Variants in NCK2 observed in about 807,000 individuals in gnomAD.
The protein encoded by NCK2 is cytoplasmic protein NCK2.
NCK2 carries 16 observed loss-of-function variants against 33.9 expected under a neutral mutation model. The ratio of observed to expected loss-of-function variants is 0.47; its 90% CI spans 0.32 to 0.72. The LOEUF is 0.72. Among genes scored for constraint, NCK2 ranks in the 30% least tolerant of loss-of-function variants. The probability of loss-of-function intolerance (pLI) is 0.03; values close to 1 mark genes in which losing one functional copy is unlikely to be tolerated. For synonymous variants in NCK2, 273 were observed against 239.9 expected, an observed-to-expected ratio of 1.14 and a Z score of -1.27; for missense variants, 418 against 537.3, an observed-to-expected ratio of 0.78 and a Z score of 2.19.
intron 1 of NCK2, among the ~76,000 whole-genome samples, chr2:105,760,355 G>A (rs561678812): frequency 1.1e-4 from 16 of 152,286 alleles, no homozygotes; most frequent in East Asian, 1.9e-4. Context: ...CTGACTTCCC[G>A]CGTGGGATAG....
intron 3 of NCK2, among the ~76,000 whole-genome samples, chr2:105,876,792 A>T (rs1678252563): frequency 6.6e-6 from 1 of 152,232 alleles, no homozygotes; most frequent in Non-Finnish European, 1.5e-5. Flanking sequence ...AAAACTACAC[A>T]GAGAGAATGA....
chr2:105,846,587 G>A (rs1298304874), intron 2 of NCK2: 2 of 151,922 alleles, frequency 1.3e-5, no homozygotes, highest in East Asian at 1.9e-4. Flanking sequence ...AAATTCTATT[G>A]AGGATGCAGT....
intron 1 of NCK2, among the ~76,000 whole-genome samples, chr2:105,757,129 C>T (rs1689623239): frequency 6.6e-6 from 1 of 152,110 alleles, no homozygotes; most frequent in Non-Finnish European, 1.5e-5. Context: ...ATTAATGGCT[C>T]ATGTAAATCT....
At chr2:105,826,188 C>T (rs1675935135) in intron 2 of NCK2, among the ~76,000 whole-genome samples, 1 of 152,184 alleles carries the variant, frequency 6.6e-6, no homozygotes, top group Non-Finnish European at 1.5e-5. Flanking sequence ...GCACCTTCTT[C>T]ACAGGGTGGC....
At position 105,881,895 on chromosome 2, in the gene NCK2, A is replaced by T; in HGVS notation, c.794A>T (p.His265Leu). ...LSDGPALHPA[H>L]APQISYTGPS... ...GACGGGCCTGCCCTGCACCCTGCGC[A>T]CGCCCCACAGATAAGCTACACCGGG... is the stretch of plus-strand genomic sequence containing the variant. Residue 265 changes from histidine to leucine, a missense_variant, in exon 4 of 5, where the codon CAC (histidine) becomes CTC (leucine). By Grantham distance (99) the His-to-Leu change is moderately conservative. Coordinates refer to ENST00000233154, the MANE Select transcript of NCK2 (RefSeq NM_003581.5). 6.4e-7 allele frequency: 1 copy of T among 1,570,728 alleles called. No individual in the cohort carries two copies. The highest frequency in any genetic ancestry group is 8.6e-7 in the Non-Finnish European group (1 of 1,158,392).
At chr2:105,786,148 G>C (rs540793677) in intron 1 of NCK2, among the ~76,000 whole-genome samples, 1 of 152,266 alleles carries the variant, frequency 6.6e-6, no homozygotes, top group South Asian at 2.1e-4. Context: ...GTTGTGTCTA[G>C]GGCAGCATGA....
Position 105,861,941 on chromosome 2 carries a change from C to G in NCK2, c.226+6652C>G, listed in dbSNP as rs578126291. On this transcript the variant is annotated intron_variant, in intron 3 of 4. Transcript: ENST00000233154. The stretch of plus-strand genomic sequence containing the variant: ...CCTCCCTCCCTCCCTCCCTCCTGCC[C>G]GCTCCCCCCTTCCCTTTCTTCCACC... Among the ~76,000 whole-genome samples the G allele has an allele frequency of 2.5e-4, 37 of 146,754 alleles. No homozygotes were observed. In the South Asian group the frequency reaches 7.5e-3, roughly 30 times the overall value.
intron 3 of NCK2, among the ~76,000 whole-genome samples, chr2:105,867,778 A>C (rs931000235): frequency 6.6e-6 from 1 of 152,212 alleles, no homozygotes; most frequent in East Asian, 1.9e-4. Flanking sequence ...TCTTACTAAG[A>C]TGATCTCACC....
chr2:105,789,021 C>T (rs548557740), intron 1 of NCK2, among the ~76,000 whole-genome samples: 35 of 152,224 alleles, frequency 2.3e-4, no homozygotes, highest in African/African-American at 7.0e-4. Context: ...GCTTCTCTGC[C>T]AATCTCCCCC....
At chr2:105,868,086 C>G (rs1183455647) in intron 3 of NCK2, among the ~76,000 whole-genome samples, 5 of 152,010 alleles carry the variant, frequency 3.3e-5, no homozygotes, top group African/African-American at 1.2e-4. Flanking sequence ...AGCTGCCTGC[C>G]TGCAAGCAGG....
At chr2:105,753,253 C>G (rs1017674043) in intron 1 of NCK2, among the ~76,000 whole-genome samples, 4 of 152,186 alleles carry the variant, frequency 2.6e-5, no homozygotes, top group Non-Finnish European at 4.4e-5. Flanking sequence ...GGGGAAGGCC[C>G]TGGACTTTGG....
chr2:105,780,168 A>G, intron 1 of NCK2, among the ~76,000 whole-genome samples: 1 of 152,352 alleles, frequency 6.6e-6, no homozygotes, highest in Non-Finnish European at 1.5e-5. Context: ...AATCAAGAAT[A>G]ATAAATATTT....
chr2:105,830,206 A>G (rs1205323769), intron 2 of NCK2, among the ~76,000 whole-genome samples: 2 of 151,268 alleles, frequency 1.3e-5, no homozygotes, highest in African/African-American at 2.4e-5. Context: ...CAGTTAACCA[A>G]CCTTTTCCTA....
At chr2:105,785,600 T>C (rs1690650237) in intron 1 of NCK2, among the ~76,000 whole-genome samples, 1 of 152,180 alleles carries the variant, frequency 6.6e-6, no homozygotes, top group South Asian at 2.1e-4. Context: ...CAATCTCCAA[T>C]AGCACCAATA....
intron 1 of NCK2, among the ~76,000 whole-genome samples, chr2:105,777,385 C>T (rs1042677578): frequency 9.9e-5 from 15 of 152,236 alleles, no homozygotes; most frequent in African/African-American, 3.6e-4. Context: ...GTCCTCACAC[C>T]AGGAGGCCAC....
intron 4 of NCK2, among the ~76,000 whole-genome samples, chr2:105,890,111 T>C (rs1295927814): frequency 2.0e-5 from 3 of 152,200 alleles, no homozygotes; most frequent in African/African-American, 7.2e-5. Context: ...TTAGCACTCC[T>C]GCTTGGCATA....
intron 1 of NCK2, among the ~76,000 whole-genome samples, chr2:105,769,573 C>T (rs542357437): frequency 6.6e-6 from 1 of 152,182 alleles, no homozygotes; most frequent in Non-Finnish European, 1.5e-5. Context: ...GCATCCATGG[C>T]TGCAGGTTTT....
In NCK2 at chr2:105,877,106, C is replaced by T. The variant is rs546302077; in HGVS notation, c.227-4222C>T. Among the ~76,000 whole-genome samples the T allele has an allele frequency of 2.0e-5, 3 of 152,292 alleles. No individual in the cohort carries two copies. The East Asian group carries it at 5.8e-4, about 29-fold the overall frequency. ...AAGCCTGCCCCCATGTAAAGGCTCT[C>T]CTGACTCTAGGGTTGCAGTTTACTT... On this transcript the variant is annotated intron_variant, in intron 3 of 4. Transcript: ENST00000233154.
intron 1 of NCK2, among the ~76,000 whole-genome samples, chr2:105,813,413 C>T (rs543145095): frequency 6.6e-6 from 1 of 152,352 alleles, no homozygotes; most frequent in African/African-American, 2.4e-5. Context: ...ACAAAGCTCA[C>T]AGCCTTGGGC....
Sources: allele counts gnomAD v4.1 joint callset (sites outside exome capture counted in the v4.1 genomes callset), GRCh38; gene constraint gnomAD v4.1.1; transcripts MANE v1.5; gene names NCBI Gene and HGNC (gene_info 2026-07-23, HGNC 2026-07-21).